The following NKAIN2 variants were observed in gnomAD, a reference collection of about 807,000 sequenced individuals.
NKAIN2 encodes the protein sodium/potassium-transporting ATPase subunit beta-1-interacting protein 2.
NKAIN2 carries 14 observed loss-of-function variants against 32.6 expected under a neutral mutation model. The ratio of observed to expected loss-of-function variants is 0.43; its 90% CI spans 0.28 to 0.67. The LOEUF is 0.67. Ranked by LOEUF, NKAIN2 falls within the 30% of genes least tolerant of loss-of-function variation. The pLI, the probability that NKAIN2 is intolerant of heterozygous loss-of-function variation, is 0.17. For synonymous variants in NKAIN2, 80 were observed against 87.2 expected, an observed-to-expected ratio of 0.92 and a Z score of 0.46; for missense variants, 198 against 258.3, an observed-to-expected ratio of 0.77 and a Z score of 1.60.
intron 3 of NKAIN2, among the ~76,000 whole-genome samples, chr6:124,561,474 A>G (rs980435774): frequency 1.3e-5 from 2 of 152,160 alleles, no homozygotes; most frequent in African/African-American, 4.8e-5. Context: ...TGTGGGAAAA[A>G]ATATTTTAAA....
intron 1 of NKAIN2, among the ~76,000 whole-genome samples, chr6:124,137,193 T>C (rs1000497043): frequency 2.0e-5 from 3 of 152,138 alleles, no homozygotes; most frequent in Non-Finnish European, 4.4e-5. Flanking sequence ...GACAAATTAG[T>C]AGCAGTGCTA....
intron 1 of NKAIN2, among the ~76,000 whole-genome samples, chr6:123,898,288 T>TG (rs1774381500): frequency 6.6e-6 from 1 of 152,204 alleles, no homozygotes; most frequent in South Asian, 2.1e-4. Flanking sequence ...AGATATGTCC[T>TG]GGCCCATTAA....
At chr6:124,396,662 A>G (rs1773396640) in intron 3 of NKAIN2, among the ~76,000 whole-genome samples, 1 of 152,168 alleles carries the variant, frequency 6.6e-6, no homozygotes, top group Non-Finnish European at 1.5e-5. Context: ...AATTCAGGCC[A>G]GAGATCATTA....
At chr6:124,642,143 T>C (rs1350093344) in intron 3 of NKAIN2, among the ~76,000 whole-genome samples, 2 of 152,182 alleles carry the variant, frequency 1.3e-5, no homozygotes, top group African/African-American at 4.8e-5. Flanking sequence ...ATCACACCTT[T>C]GAATTTTTTA....
chr6:124,316,986 G>T (rs375892135), intron 2 of NKAIN2, among the ~76,000 whole-genome samples: 1 of 152,040 alleles, frequency 6.6e-6, no homozygotes, highest in Admixed American at 6.6e-5. Flanking sequence ...AGTCCATTAG[G>T]AGTGGGACTC....
chr6:124,200,265 C>A (rs1035744207), intron 1 of NKAIN2, among the ~76,000 whole-genome samples: 8 of 152,076 alleles, frequency 5.3e-5, no homozygotes, highest in African/African-American at 1.9e-4. Context: ...TATAGTCTTT[C>A]CTTAAACTCA....
At chr6:124,402,971 T>C (rs1258029150) in intron 3 of NKAIN2, among the ~76,000 whole-genome samples, 1 of 152,162 alleles carries the variant, frequency 6.6e-6, no homozygotes, top group African/African-American at 2.4e-5. Flanking sequence ...TAAAAAAAAT[T>C]ATTTCTCAAG....
intron 1 of NKAIN2, among the ~76,000 whole-genome samples, chr6:123,975,884 C>T (rs565686369): frequency 6.6e-6 from 1 of 151,928 alleles, no homozygotes; most frequent in African/African-American, 2.4e-5. Flanking sequence ...CCACCCAAAT[C>T]TCATCTTGAA....
At chr6:124,278,096 C>A (rs1380465366) in intron 1 of NKAIN2, among the ~76,000 whole-genome samples, 1 of 152,008 alleles carries the variant, frequency 6.6e-6, no homozygotes, top group Non-Finnish European at 1.5e-5. Flanking sequence ...ACAGGTCTTA[C>A]CAGTTGAGGA....
At chr6:124,408,163 G>T (rs1773959007) in intron 3 of NKAIN2, among the ~76,000 whole-genome samples, 1 of 151,992 alleles carries the variant, frequency 6.6e-6, no homozygotes, top group Admixed American at 6.5e-5. Flanking sequence ...TCACTCTGAT[G>T]GTAGTTTGTT....
At chr6:124,297,782 G>A (rs2114966159) in intron 2 of NKAIN2, among the ~76,000 whole-genome samples, 1 of 150,962 alleles carries the variant, frequency 6.6e-6, no homozygotes, top group Non-Finnish European at 1.5e-5. Flanking sequence ...ACAAAATCGG[G>A]CATTTGGCAA....
chr6:123,901,424 T>A (rs887641302), intron 1 of NKAIN2, among the ~76,000 whole-genome samples: 7 of 151,846 alleles, frequency 4.6e-5, no homozygotes, highest in African/African-American at 1.7e-4. Context: ...TATTTCTTGA[T>A]GTTTTTGAAA....
At chr6:124,588,190 G>A (rs748638564) in intron 3 of NKAIN2, among the ~76,000 whole-genome samples, 5 of 152,154 alleles carry the variant, frequency 3.3e-5, no homozygotes, top group Non-Finnish European at 4.4e-5. Flanking sequence ...GCCTAACATA[G>A]CATCGTGGAG....
Position 124,516,454 on chromosome 6 carries a change from C to T in NKAIN2, c.274-141732C>T, listed in dbSNP as rs141758023. Among the ~76,000 whole-genome samples the T allele has an allele frequency of 1.8e-4, 27 of 152,206 alleles. No homozygotes were observed. In the East Asian group the frequency reaches 3.3e-3, roughly 18 times the overall value. ...TAAATCGAGACTGCTCTACTTTCAT[C>T]TTTCAGCCTGTTTCATGTTAATAGG... On this transcript the variant is annotated intron_variant, in intron 3 of 6. Transcript: ENST00000368417.
intron 3 of NKAIN2, among the ~76,000 whole-genome samples, chr6:124,433,176 T>G (rs542127232): frequency 4.6e-5 from 7 of 152,272 alleles, no homozygotes; most frequent in African/African-American, 1.7e-4. Context: ...GCACTGAAAT[T>G]AGGCGGTGGA....
intron 3 of NKAIN2, among the ~76,000 whole-genome samples, chr6:124,418,775 A>T (rs1774614958): frequency 6.6e-6 from 1 of 151,390 alleles, no homozygotes; most frequent in Admixed American, 6.6e-5. Flanking sequence ...TCCAGTACTG[A>T]TTGTTGATGT....
intron 2 of NKAIN2, among the ~76,000 whole-genome samples, chr6:124,353,497 G>C (rs1389871042): frequency 2.6e-5 from 4 of 152,118 alleles, no homozygotes; most frequent in Non-Finnish European, 4.4e-5. Context: ...GCTCAATCCT[G>C]TAATCCCAGC....
chr6:124,655,058 A>G (rs1331894679), intron 3 of NKAIN2, among the ~76,000 whole-genome samples: 4 of 152,168 alleles, frequency 2.6e-5, no homozygotes, highest in African/African-American at 9.7e-5. Context: ...CGCTGCCAGT[A>G]TTCTTGAAAT....
chr6:124,605,511 GAA>G (rs1782465005), intron 3 of NKAIN2, among the ~76,000 whole-genome samples: 1 of 151,938 alleles, frequency 6.6e-6, no homozygotes. Context: ...ATTCCAAACT[GAA>G]AAAGTCAGAG....
Sources: allele counts gnomAD v4.1 joint callset (sites outside exome capture counted in the v4.1 genomes callset), GRCh38; gene constraint gnomAD v4.1.1; transcripts MANE v1.5; gene names NCBI Gene and HGNC (gene_info 2026-07-23, HGNC 2026-07-21).